The following GLIS1 variants were observed in gnomAD, a reference collection of about 807,000 sequenced individuals.
The protein encoded by GLIS1 is zinc finger protein GLIS1.
GLIS1 carries 24 observed loss-of-function variants against 63.8 expected under a neutral mutation model. That is an observed-to-expected ratio of 0.38 (90% CI 0.27 to 0.53). The LOEUF (loss-of-function observed/expected upper bound fraction) is 0.53, where lower values mean the gene tolerates loss of function less well. Among genes scored for constraint, GLIS1 ranks in the 20% least tolerant of loss-of-function variants. The pLI is 0.85. For synonymous variants in GLIS1, 450 were observed against 482.5 expected (o/e 0.93, Z 0.88); for missense variants, 1,036 against 1,074.1 (o/e 0.96, Z 0.50).
chr1:53,538,972 T>C (rs1345103928), intron 4 of GLIS1, among the ~76,000 whole-genome samples: 2 of 152,072 alleles, frequency 1.3e-5, no homozygotes, highest in African/African-American at 4.8e-5. Context: ...CTGAGTCAGC[T>C]TCTCTTGGGC....
At chr1:53,590,649 G>C (rs189844339) in intron 4 of GLIS1, among the ~76,000 whole-genome samples, 1 of 152,278 alleles carries the variant, frequency 6.6e-6, no homozygotes, top group Non-Finnish European at 1.5e-5. Context: ...GGGTTGGACG[G>C]GTAACCTTGT....
intron 2 of GLIS1, among the ~76,000 whole-genome samples, chr1:53,628,665 C>A (rs542002832): frequency 2.0e-5 from 3 of 152,250 alleles, no homozygotes; most frequent in Admixed American, 6.5e-5. Flanking sequence ...CCCACAGGCA[C>A]CCCCTCCACC....
chr1:53,543,208 G>GA, intron 4 of GLIS1, among the ~76,000 whole-genome samples: 1 of 151,554 alleles, frequency 6.6e-6, no homozygotes, highest in Middle Eastern at 3.4e-3. Flanking sequence ...TGACATAAGT[G>GA]AAACAGAGAG....
intron 10 of GLIS1, among the ~76,000 whole-genome samples, chr1:53,507,711 G>A (rs1644249848): frequency 6.6e-6 from 1 of 152,232 alleles, no homozygotes; most frequent in African/African-American, 2.4e-5. Flanking sequence ...AGCGGGCCTG[G>A]AGTGGGCACT....
chr1:53,542,764 A>G (rs1207087607), intron 4 of GLIS1, among the ~76,000 whole-genome samples: 1 of 152,212 alleles, frequency 6.6e-6, no homozygotes, highest in African/African-American at 2.4e-5. Context: ...TGACAGCACC[A>G]CTAGATAGGT....
intron 4 of GLIS1, among the ~76,000 whole-genome samples, chr1:53,590,345 G>C (rs1645176769): frequency 1.3e-5 from 2 of 152,110 alleles, no homozygotes; most frequent in Admixed American, 1.3e-4. Context: ...TTTCACCTCT[G>C]CACATGCCTT....
intron 2 of GLIS1, among the ~76,000 whole-genome samples, chr1:53,702,155 T>C (rs559802406): frequency 3.9e-5 from 6 of 152,234 alleles, no homozygotes; most frequent in African/African-American, 1.4e-4. Flanking sequence ...GGCAAATCCC[T>C]TTCTACTCCC....
chr1:53,711,224 A>G (rs991158486), intron 2 of GLIS1, among the ~76,000 whole-genome samples: 1 of 152,092 alleles, frequency 6.6e-6, no homozygotes, highest in African/African-American at 2.4e-5. Flanking sequence ...TAACTTGCTC[A>G]TCCAAGGCCA....
chr1:53,712,967 G>A (rs1318548146), intron 2 of GLIS1, among the ~76,000 whole-genome samples: 1 of 152,194 alleles, frequency 6.6e-6, no homozygotes, highest in African/African-American at 2.4e-5. Context: ...GGTAAAAAGT[G>A]AGGCAGAGAG....
intron 2 of GLIS1, among the ~76,000 whole-genome samples, chr1:53,690,261 C>G (rs1646387749): frequency 6.6e-6 from 1 of 152,260 alleles, no homozygotes. Context: ...TCTTCAGGGC[C>G]ACAGGCAGGG....
intron 2 of GLIS1, among the ~76,000 whole-genome samples, chr1:53,655,187 G>A (rs1645951194): frequency 6.6e-6 from 1 of 152,128 alleles, no homozygotes; most frequent in African/African-American, 2.4e-5. Flanking sequence ...ATGCCCAGGT[G>A]TTCCTTTCTC....
chr1:53,658,232 C>T (rs1386308472), intron 2 of GLIS1, among the ~76,000 whole-genome samples: 1 of 152,180 alleles, frequency 6.6e-6, no homozygotes, highest in African/African-American at 2.4e-5. Flanking sequence ...TTTATTGGCT[C>T]TCTCCTATGG....
At chr1:53,642,468 G>C (rs1261726959) in intron 2 of GLIS1, among the ~76,000 whole-genome samples, 1 of 152,168 alleles carries the variant, frequency 6.6e-6, no homozygotes, top group Non-Finnish European at 1.5e-5. Flanking sequence ...CTGCTGGAAT[G>C]GCTCATAGTA....
At chr1:53,665,406 AC>A (rs1426793583) in intron 2 of GLIS1, among the ~76,000 whole-genome samples, 4 of 152,188 alleles carry the variant, frequency 2.6e-5, no homozygotes, top group Admixed American at 1.3e-4. Flanking sequence ...AGTGTAAAGT[AC>A]GGAGGTGAGG....
intron 2 of GLIS1, among the ~76,000 whole-genome samples, chr1:53,697,537 G>A (rs1257047835): frequency 6.6e-6 from 1 of 152,150 alleles, no homozygotes; most frequent in Non-Finnish European, 1.5e-5. Flanking sequence ...GACAGGTTCA[G>A]GATGTGATCC....
chr1:53,583,862 G>A (rs1408324848), intron 4 of GLIS1, among the ~76,000 whole-genome samples: 3 of 152,214 alleles, frequency 2.0e-5, no homozygotes, highest in East Asian at 1.9e-4. Context: ...CAAACTTTAC[G>A]GAACCACATT....
chr1:53,718,443 CATATAAA>C (rs1344672086), intron 2 of GLIS1, among the ~76,000 whole-genome samples: 2 of 151,866 alleles, frequency 1.3e-5, no homozygotes, highest in African/African-American at 2.4e-5. Flanking sequence ...GTAACAGCCC[CATATAAA>C]ATATAAAATA....
chr1:53,690,313 G>C (rs1052018163), intron 2 of GLIS1, among the ~76,000 whole-genome samples: 3 of 152,258 alleles, frequency 2.0e-5, no homozygotes, highest in Admixed American at 6.5e-5. Flanking sequence ...ATCAGCGCAT[G>C]ATGGGGAAGA....
intron 2 of GLIS1, among the ~76,000 whole-genome samples, chr1:53,614,852 T>C (rs1034597896): frequency 6.6e-6 from 1 of 151,222 alleles, no homozygotes; most frequent in Non-Finnish European, 1.5e-5. Flanking sequence ...ACACACGGAC[T>C]CTCACCCTCT....
Sources: gnomAD v4.1 joint callset for allele counts (sites outside exome capture counted in the v4.1 genomes callset) on GRCh38, gnomAD v4.1.1 for gene constraint, MANE v1.5 for transcripts, NCBI Gene and HGNC (gene_info 2026-07-23, HGNC 2026-07-21) for gene names.